The following KATNAL1 variants were observed in gnomAD, a reference collection of about 807,000 sequenced individuals.
KATNAL1 encodes the protein katanin catalytic subunit A1 like 1, also known as katanin p60 ATPase-containing subunit A-like 1.
A neutral mutation model predicts 55.2 loss-of-function variants in KATNAL1; 32 were observed. That is an observed-to-expected ratio of 0.58 (90% CI 0.44 to 0.78). The LOEUF is 0.78. KATNAL1 is among the 30% of genes least tolerant of loss of function. KATNAL1 has a pLI of 0.00. For synonymous variants in KATNAL1, 193 were observed against 193.6 expected, an observed-to-expected ratio of 1.00 and a Z score of 0.02; for missense variants, 466 against 600.9, an observed-to-expected ratio of 0.78 and a Z score of 2.35.
At chr13:30,216,054 GGTGGCAGCCTTATAT>G (rs1874196201) in intron 9 of KATNAL1, among the ~76,000 whole-genome samples, 1 of 152,126 alleles carries the variant, frequency 6.6e-6, no homozygotes, top group African/African-American at 2.4e-5. Context: ...ATGAATGTGA[GGTGGCAGCCTTATAT>G]GTGGTATATA....
At chr13:30,259,495 G>A (rs1879074628) in intron 3 of KATNAL1, among the ~76,000 whole-genome samples, 1 of 152,194 alleles carries the variant, frequency 6.6e-6, no homozygotes, top group South Asian at 2.1e-4. Context: ...CAGACAGTGG[G>A]CGCAGGTCAG....
At chr13:30,306,917 A>AGCTACG (rs1555269054) in intron 1 of KATNAL1, 1 of 152,418 alleles carries the variant, frequency 6.6e-6, no homozygotes, top group Non-Finnish European at 1.5e-5. Context: ...GCCCAGCTAC[A>AGCTACG]GGGCGGGAAG....
intron 4 of KATNAL1, among the ~76,000 whole-genome samples, chr13:30,247,721 G>A (rs1877926852): frequency 6.6e-6 from 1 of 152,200 alleles, no homozygotes; most frequent in Non-Finnish European, 1.5e-5. Context: ...GCAGAGCCTT[G>A]TAGACCATTA....
intron 3 of KATNAL1, among the ~76,000 whole-genome samples, chr13:30,265,279 C>T (rs991694184): frequency 6.6e-6 from 1 of 151,540 alleles, no homozygotes; most frequent in African/African-American, 2.4e-5. Flanking sequence ...CGCTAGATGA[C>T]GAGTTAGTGG....
intron 4 of KATNAL1, among the ~76,000 whole-genome samples, chr13:30,249,645 GTACA>G (rs992393408): frequency 6.6e-6 from 1 of 152,130 alleles, no homozygotes; most frequent in African/African-American, 2.4e-5. Flanking sequence ...AATACTTACT[GTACA>G]TAAAGTTCCA....
At chr13:30,230,695 TCTCA>T (rs1312351154) in intron 7 of KATNAL1, 101 bp from the exon 8 acceptor site, 58 of 846,074 alleles carry the variant, frequency 6.9e-5, no homozygotes, top group South Asian at 1.9e-4. Context: ...AGCAGAAACT[TCTCA>T]CTGTTTTAAT....
intron 8 of KATNAL1, among the ~76,000 whole-genome samples, chr13:30,229,852 A>G (rs1283337445): frequency 6.6e-6 from 1 of 152,098 alleles, no homozygotes; most frequent in African/African-American, 2.4e-5. Context: ...AAATTTAAAA[A>G]TATTAATTCA....
At chr13:30,270,249 T>G (rs868582765) in intron 3 of KATNAL1, among the ~76,000 whole-genome samples, 1,817 of 77,642 alleles carry the variant, frequency 0.023, 92 homozygotes, top group African/African-American at 0.06. Flanking sequence ...GGAGGGAGGT[T>G]GGGGGGTCAG....
chr13:30,255,390 C>T (rs1878685137), intron 4 of KATNAL1, 57 bp downstream of exon 4: 1 of 1,334,426 alleles, frequency 7.5e-7, no homozygotes, highest in Non-Finnish European at 9.8e-7. Flanking sequence ...AAAATCATAA[C>T]ATCCACCAAA....
rs939012788 is a variant in KATNAL1 at position 30,208,457 on chromosome 13, T to A, written c.*83A>T. On this transcript the variant is annotated 3_prime_UTR_variant, in exon 11 of 11. Coordinates refer to ENST00000380615, the MANE Select transcript of KATNAL1 (RefSeq NM_032116.5). The stretch of plus-strand genomic sequence containing the variant: ...CGAAAACCACTCCACTGAAAAAAAT[T>A]CCAAACTTGTTTTTTAAAAATTGCA... The A allele has an allele frequency of 1.3e-5, 17 of 1,269,552 alleles. No individual in the cohort carries two copies. In the African/African-American group the frequency reaches 2.4e-4, roughly 18 times the overall value. The allele number at this position is 1,269,552 out of a possible 1,614,324, so 78.6% of individuals were successfully genotyped here. A position where few individuals can be genotyped will look rare whatever the true frequency, so the allele number is the denominator to read the frequency against.
chr13:30,233,604 A>T (rs1166308844), intron 6 of KATNAL1, among the ~76,000 whole-genome samples: 1 of 151,312 alleles, frequency 6.6e-6, no homozygotes, highest in Non-Finnish European at 1.5e-5. Flanking sequence ...TATACAAAAA[A>T]AAAAAAAGAA....
intron 3 of KATNAL1, among the ~76,000 whole-genome samples, chr13:30,278,884 A>C (rs191659528): frequency 6.6e-6 from 1 of 152,350 alleles, no homozygotes; most frequent in East Asian, 1.9e-4. Context: ...AAACACCTGA[A>C]GGTGGTTACA....
At chr13:30,257,251 T>A (rs1430446316) in intron 3 of KATNAL1, among the ~76,000 whole-genome samples, 4 of 152,222 alleles carry the variant, frequency 2.6e-5, no homozygotes, top group African/African-American at 9.6e-5. Flanking sequence ...TACACTTGTG[T>A]ACATATAAAT....
intron 6 of KATNAL1, among the ~76,000 whole-genome samples, chr13:30,238,220 T>G (rs1165162571): frequency 1.3e-5 from 2 of 152,204 alleles, no homozygotes. Context: ...AATCTTCCAC[T>G]AATTTATATT....
At chr13:30,257,800 C>T (rs750390581) in intron 3 of KATNAL1, among the ~76,000 whole-genome samples, 2 of 152,180 alleles carry the variant, frequency 1.3e-5, no homozygotes, top group Non-Finnish European at 2.9e-5. Context: ...CCAGACGTGT[C>T]GTTTGTGGCA....
rs762498556 is a variant in KATNAL1, at chr13:30,231,278, C to G, written c.885+36G>C. The G allele has an allele frequency of 1.9e-6, 3 of 1,570,446 alleles. No homozygotes were observed. The African/African-American group carries it at 4.1e-5, about 21-fold the overall frequency. On this transcript the variant is annotated intron_variant, in intron 7 of 10. Transcript: ENST00000380615. The stretch of plus-strand genomic sequence containing the variant: ...TTTATGGGGGCATCATAGGCCTACA[C>G]ACACTACTTTGAAATCTGAATATAT...
In KATNAL1 at chr13:30,204,872, C is replaced by A. The variant is rs758648303; in HGVS notation, c.*3668G>T. The A allele has an allele frequency of 6.6e-6, 1 of 152,128 alleles. No homozygotes were observed. The highest frequency in any genetic ancestry group is 1.5e-5 in the Non-Finnish European group (1 of 68,018). The allele number at this position is 152,128 out of a possible 1,614,324, so 9.4% of individuals were successfully genotyped here. Reference sequence around the variant, plus strand: ...GGTATTGTGGGAGGTAGTGGTCAGACCCGAAAGTGTGTAGATAAAGTCTGT... The same window carrying A: ...GGTATTGTGGGAGGTAGTGGTCAGAACCGAAAGTGTGTAGATAAAGTCTGT... On this transcript the variant is annotated 3_prime_UTR_variant, in exon 11 of 11. Transcript: ENST00000380615.
intron 4 of KATNAL1, among the ~76,000 whole-genome samples, chr13:30,249,786 G>A (rs1039595123): frequency 6.6e-6 from 1 of 152,134 alleles, no homozygotes; most frequent in African/African-American, 2.4e-5. Flanking sequence ...TCGATTTCTT[G>A]ACCCCAGAGC....
chr13:30,266,979 C>T (rs1879825858), intron 3 of KATNAL1, among the ~76,000 whole-genome samples: 1 of 152,122 alleles, frequency 6.6e-6, no homozygotes, highest in South Asian at 2.1e-4. Context: ...GTCAGTGTTT[C>T]GGATGAGCCA....
Sources: gnomAD v4.1 joint callset for allele counts (sites outside exome capture counted in the v4.1 genomes callset) on GRCh38, gnomAD v4.1.1 for gene constraint, MANE v1.5 for transcripts, NCBI Gene and HGNC (gene_info 2026-07-23, HGNC 2026-07-21) for gene names.